WDR26: variants seen among roughly 807,000 people sequenced by gnomAD.
WDR26 encodes the protein WD repeat-containing protein 26.
WDR26 carries 5 observed loss-of-function variants against 84.1 expected under a neutral mutation model. The observed-to-expected ratio is 0.06, with a 90% CI of 0.03 to 0.13. The LOEUF (loss-of-function observed/expected upper bound fraction) is 0.13. Ranked by LOEUF, WDR26 falls within the 10% of genes least tolerant of loss-of-function variation. WDR26 has a pLI of 1.00. For synonymous variants in WDR26, 415 were observed against 389.6 expected (o/e 1.07, Z -0.77); for missense variants, 642 against 974.9 (o/e 0.66, Z 4.55).
At chr1:224,408,916 C>A (rs1017263789) in intron 7 of WDR26, among the ~76,000 whole-genome samples, 5 of 152,036 alleles carry the variant, frequency 3.3e-5, no homozygotes, top group Non-Finnish European at 5.9e-5. Flanking sequence ...AATCAGGGGT[C>A]TATGAATTTA....
chr1:224,431,549 T>C lies in WDR26; in HGVS notation c.855A>G (p.Leu285=). ...CCACAATAGCATGAGGAGAATGCAC[T>C]AAAGGCTTTAGTTCATTCAGGTCAT... is the stretch of plus-strand genomic sequence containing the variant. Residue 285 remains leucine (L), a synonymous_variant, in exon 3 of 14, where the codon TTA becomes TTG. Transcript: ENST00000414423. The C allele has an allele frequency of 6.2e-7, 1 of 1,614,086 alleles. No individual in the cohort carries two copies. The highest frequency in any genetic ancestry group is 1.1e-5 in the South Asian group (1 of 91,056).
At position 224,388,390 on chromosome 1, in the gene WDR26, A is replaced by G. The variant is rs1157462494; in HGVS notation, c.*1445T>C. ...CTACTGAAAAAGGGAGGGAATTTCAAGGGAGACTATGTTATGTTGTATTCA... is the reference window on the plus strand; with the variant it reads ...CTACTGAAAAAGGGAGGGAATTTCAGGGGAGACTATGTTATGTTGTATTCA... On this transcript the variant is annotated 3_prime_UTR_variant, in exon 14 of 14. Coordinates refer to ENST00000414423, the MANE Select transcript of WDR26 (RefSeq NM_001379403.1). The G allele has an allele frequency of 6.6e-6, 1 of 152,240 alleles. No individual in the cohort carries two copies. Among genetic ancestry groups the G allele is most frequent in the Admixed American group, 6.5e-5 (1 of 15,288 alleles). 9.4% of individuals were successfully genotyped at this position (152,240 alleles called of 1,614,324 possible).
Position 224,411,575 on chromosome 1 carries a change from AGAGGT to A in WDR26, c.1320-15_1320-11del, listed in dbSNP as rs1167040467. ...ACATGGGAACTGCCTCCTAAAACAA[AGAGGT>A]CCACAAATTATTCTTTCAAAACAGA... On this transcript the variant is annotated splice_polypyrimidine_tract_variant and intron_variant, in intron 6 of 13. Coordinates refer to ENST00000414423, the MANE Select transcript of WDR26 (RefSeq NM_001379403.1). 6.3e-7 allele frequency: 1 copy of A among 1,577,704 alleles called. No individual in the cohort carries two copies. Among genetic ancestry groups the A allele is most frequent in the Admixed American group, 1.9e-5 (1 of 53,500 alleles).
intron 3 of WDR26, chr1:224,429,927 T>C (rs1674338592): frequency 2.0e-5 from 3 of 152,220 alleles, no homozygotes. Flanking sequence ...ATTACAGATA[T>C]AATTTGGGCG....
At chr1:224,417,429 G>C (rs1318618392) in intron 6 of WDR26, among the ~76,000 whole-genome samples, 2 of 152,218 alleles carry the variant, frequency 1.3e-5, no homozygotes, top group African/African-American at 2.4e-5. Context: ...TTTAGGCCCA[G>C]CATGGAGGCT....
intron 8 of WDR26, among the ~76,000 whole-genome samples, chr1:224,403,342 G>A (rs772872976): frequency 3.9e-5 from 6 of 152,226 alleles, no homozygotes; most frequent in Non-Finnish European, 5.9e-5. Flanking sequence ...GAGCCACCGC[G>A]CCCGGCCACA....
chr1:224,389,902 GA>G, intron 13 of WDR26, 42 bp from the exon 14 acceptor site: 3 of 376,262 alleles, frequency 8.0e-6, no homozygotes, highest in Non-Finnish European at 1.0e-5. Context: ...GCGGGCGGGG[GA>G]GGGAAGAGGG....
intron 3 of WDR26, chr1:224,430,669 G>C (rs1480366938): frequency 6.6e-6 from 1 of 152,046 alleles, no homozygotes; most frequent in Admixed American, 6.6e-5. Flanking sequence ...CCCACCCCCA[G>C]ACAGGAAACT....
At chr1:224,402,383 T>TA (rs2102895764) in intron 8 of WDR26, among the ~76,000 whole-genome samples, 1 of 152,334 alleles carries the variant, frequency 6.6e-6, no homozygotes, top group African/African-American at 2.4e-5. Context: ...CATTGACAAA[T>TA]ACATTAACAC....
chr1:224,402,598 G>A (rs1409179996), intron 8 of WDR26, among the ~76,000 whole-genome samples: 1 of 152,130 alleles, frequency 6.6e-6, no homozygotes, highest in African/African-American at 2.4e-5. Context: ...CAGTTTAATT[G>A]GTCAAAGGAA....
At chr1:224,401,692 A>AAAAAGG (rs750704517) in intron 8 of WDR26, among the ~76,000 whole-genome samples, 50 of 102,898 alleles carry the variant, frequency 4.9e-4, no homozygotes, top group Non-Finnish European at 9.0e-4. Context: ...AAAAAAAAGA[A>AAAAAGG]AAAAAAAAAG....
At chr1:224,409,162 A>G (rs2102902893) in intron 7 of WDR26, among the ~76,000 whole-genome samples, 2 of 152,290 alleles carry the variant, frequency 1.3e-5, no homozygotes, top group South Asian at 4.1e-4. Flanking sequence ...ATATCATATT[A>G]TAGTTGTTGC....
rs372528289 is a variant in WDR26, at chr1:224,404,430, T to C, written c.1599A>G (p.Gln533=). Residue 533 remains glutamine, a splice_region_variant and synonymous_variant, in exon 8 of 14, where the codon CAA becomes CAG. Coordinates refer to ENST00000414423, the MANE Select transcript of WDR26 (RefSeq NM_001379403.1). ...TCAACCAAAGATGGAACTCGCTCAC[T>C]TGTACATTCCAAAGCCAAAGCTCAG... The C allele has an allele frequency of 6.2e-7, 1 of 1,613,828 alleles. No individual in the cohort carries two copies. The highest frequency in any genetic ancestry group is 8.5e-7 in the Non-Finnish European group (1 of 1,179,882).
At chr1:224,404,602 C>A in intron 7 of WDR26, 32 bp from the exon 8 acceptor site, 1 of 1,585,272 alleles carries the variant, frequency 6.3e-7, no homozygotes, top group Non-Finnish European at 8.6e-7. Context: ...TCAGTTAACC[C>A]CTATCACTAA....
chr1:224,424,936 TCTC>T (rs1028575544), intron 3 of WDR26, among the ~76,000 whole-genome samples: 1 of 152,128 alleles, frequency 6.6e-6, no homozygotes, highest in Non-Finnish European at 1.5e-5. Flanking sequence ...AAAAATGAAT[TCTC>T]CTCTCAAAGC....
At chr1:224,414,108 G>A (rs1262075493) in intron 6 of WDR26, among the ~76,000 whole-genome samples, 2 of 141,928 alleles carry the variant, frequency 1.4e-5, no homozygotes, top group African/African-American at 5.3e-5. Context: ...CACCACGCCC[G>A]GCCTGTTTTT....
Position 224,434,247 on chromosome 1 carries a change from A to AG in WDR26, c.158dup (p.Pro54SerfsTer38). ...AGGAGGACGAGGACGACGAGGACGG[A>AG]GGGGAGAGGCCTGCTCTGCCTGCCG... On this transcript the variant is annotated frameshift_variant, in exon 1 of 14. Coordinates refer to ENST00000414423, the MANE Select transcript of WDR26 (RefSeq NM_001379403.1). LOFTEE classifies it high-confidence loss of function. 7.3e-7 allele frequency: 1 copy of AG among 1,370,910 alleles called. No homozygotes were observed. Among genetic ancestry groups the AG allele is most frequent in the Non-Finnish European group, 9.4e-7 (1 of 1,066,296 alleles). The allele number at this position is 1,370,910 out of a possible 1,614,324, so 84.9% of individuals were successfully genotyped here. A position where few individuals can be genotyped will look rare whatever the true frequency, so the allele number is the denominator to read the frequency against.
At chr1:224,403,373 T>C (rs1673467919) in intron 8 of WDR26, among the ~76,000 whole-genome samples, 1 of 152,220 alleles carries the variant, frequency 6.6e-6, no homozygotes, top group South Asian at 2.1e-4. Context: ...TCTATGCATG[T>C]ATGTACAAAC....
intron 7 of WDR26, 33 bp downstream of exon 7, chr1:224,411,367 ATGAATTAGATTCAAAATTATCCCCTTT>A: frequency 6.6e-7 from 1 of 1,514,678 alleles, no homozygotes; most frequent in Admixed American, 2.2e-5. Flanking sequence ...TATGTAATCA[ATGAATTAGATTCAAAATTATCCCCTTT>A]TGTAATATAA....
Sources: gnomAD v4.1 joint callset for allele counts (sites outside exome capture counted in the v4.1 genomes callset) on GRCh38, gnomAD v4.1.1 for gene constraint, MANE v1.5 for transcripts, NCBI Gene and HGNC (gene_info 2026-07-23, HGNC 2026-07-21) for gene names.